ETV7: variants seen among roughly 807,000 people sequenced by gnomAD.
ETV7 encodes the protein ETS variant transcription factor 7, also known as transcription factor ETV7.
In ETV7, 43 loss-of-function variants were observed where a neutral mutation model predicts 39.1. The ratio of observed to expected loss-of-function variants is 1.10; its 90% CI spans 0.86 to 1.42. The LOEUF (loss-of-function observed/expected upper bound fraction) is 1.42, where lower values mean the gene tolerates loss of function less well. ETV7 is among the 40% of genes most tolerant of loss of function. ETV7 has a pLI of 0.00. For missense variants in ETV7, 432 were observed against 442.3 expected, an observed-to-expected ratio of 0.98 and a Z score of 0.21; for synonymous variants, 196 against 176.6, an observed-to-expected ratio of 1.11 and a Z score of -0.87.
At chr6:36,363,338 T>C, downstream of ETV7, among the ~76,000 whole-genome samples, 1 of 152,274 alleles carries the variant, frequency 6.6e-6, no homozygotes, top group South Asian at 2.1e-4. Flanking sequence ...CGGTGAGTGT[T>C]ACAGCCCTTA....
intron 2 of ETV7, among the ~76,000 whole-genome samples, chr6:36,379,617 C>T (rs576123625): frequency 1.3e-5 from 2 of 150,850 alleles, no homozygotes; most frequent in African/African-American, 2.4e-5. Flanking sequence ...GTGGCTCATG[C>T]CTGTAATCCC....
chr6:36,387,659 C>G lies in ETV7; in HGVS notation c.-118G>C. ...CCTCCGCCAAACCCCTAACCTGGCT[C>G]CGAGAACTGGAAGGTCGCGTGGGAG... is the stretch of plus-strand genomic sequence containing the variant. On this transcript the variant is annotated 5_prime_UTR_variant, in exon 1 of 8. Coordinates refer to ENST00000340181, the MANE Select transcript of ETV7 (RefSeq NM_016135.4). The G allele has an allele frequency of 8.6e-7, 1 of 1,168,154 alleles. No individual in the cohort carries two copies. The highest frequency in any genetic ancestry group is 1.2e-6 in the Non-Finnish European group (1 of 803,776). The allele number at this position is 1,168,154 out of a possible 1,614,324, so 72.4% of individuals were successfully genotyped here. A position where few individuals can be genotyped will look rare whatever the true frequency, so the allele number is the denominator to read the frequency against.
intron 4 of ETV7, among the ~76,000 whole-genome samples, chr6:36,372,666 A>C (rs924941210): frequency 1.3e-4 from 19 of 146,266 alleles, no homozygotes; most frequent in African/African-American, 4.6e-4. Context: ...ACATCTGAGC[A>C]ATTGGAAGGG....
downstream of ETV7, among the ~76,000 whole-genome samples, chr6:36,365,379 G>A (rs1196856791): frequency 6.6e-6 from 1 of 152,216 alleles, no homozygotes; most frequent in Non-Finnish European, 1.5e-5. Context: ...ACGCCCCACA[G>A]AGCAGGCAAA....
chr6:36,366,025 T>G (rs756721896), downstream of ETV7, among the ~76,000 whole-genome samples: 14 of 151,992 alleles, frequency 9.2e-5, no homozygotes, highest in Non-Finnish European at 1.5e-4. Flanking sequence ...AATACAAAAA[T>G]TAGCCGGGTG....
chr6:36,360,452 T>G (rs898342153), intron 7 of ETV7, among the ~76,000 whole-genome samples: 1 of 152,078 alleles, frequency 6.6e-6, no homozygotes, highest in Non-Finnish European at 1.5e-5. Flanking sequence ...TGGCTTATGG[T>G]GCCCCTCAAT....
chr6:36,374,911 A>G (rs1773233912), intron 3 of ETV7, among the ~76,000 whole-genome samples: 1 of 152,128 alleles, frequency 6.6e-6, no homozygotes, highest in Non-Finnish European at 1.5e-5. Context: ...CTCTACCAAA[A>G]ATACAAAATT....
chr6:36,373,822 G>A (rs574923748), intron 3 of ETV7, among the ~76,000 whole-genome samples: 4 of 152,352 alleles, frequency 2.6e-5, no homozygotes, highest in Non-Finnish European at 2.9e-5. Context: ...ACACGCAGCC[G>A]CCTCCAGGGC....
chr6:36,379,599 C>G (rs1773552688), intron 2 of ETV7, among the ~76,000 whole-genome samples: 1 of 149,848 alleles, frequency 6.7e-6, no homozygotes, highest in Non-Finnish European at 1.5e-5. Flanking sequence ...AGAAGAAGGC[C>G]GGGCGTGGTG....
At chr6:36,384,956 T>G (rs1773821982) in intron 2 of ETV7, among the ~76,000 whole-genome samples, 1 of 152,114 alleles carries the variant, frequency 6.6e-6, no homozygotes, top group South Asian at 2.1e-4. Context: ...TCTTGGCACC[T>G]GGCAAAAATT....
chr6:36,381,481 A>C (rs16888264), intron 2 of ETV7, among the ~76,000 whole-genome samples: 3,109 of 152,338 alleles, frequency 0.02, 115 homozygotes, highest in African/African-American at 0.069. Flanking sequence ...AAACTCAACG[A>C]ATGAATGGCC....
chr6:36,356,759 C>T (rs937367878), intron 7 of ETV7, among the ~76,000 whole-genome samples: 1 of 152,196 alleles, frequency 6.6e-6, no homozygotes, highest in Non-Finnish European at 1.5e-5. Context: ...CTCCCAGAGA[C>T]AAAGTTATTA....
At chr6:36,364,555 G>A (rs1382155298), downstream of ETV7, among the ~76,000 whole-genome samples, 3 of 152,246 alleles carry the variant, frequency 2.0e-5, no homozygotes, top group Non-Finnish European at 2.9e-5. Flanking sequence ...ACGCTCACCC[G>A]AAAGTTCAGC....
downstream of ETV7, among the ~76,000 whole-genome samples, chr6:36,362,763 G>A (rs1434829651): frequency 6.6e-6 from 1 of 152,208 alleles, no homozygotes; most frequent in Non-Finnish European, 1.5e-5. Flanking sequence ...ATTCATGCCT[G>A]CTCTCCTAGT....
At chr6:36,359,791 T>C (rs1036029700) in intron 7 of ETV7, among the ~76,000 whole-genome samples, 2 of 152,230 alleles carry the variant, frequency 1.3e-5, no homozygotes, top group African/African-American at 4.8e-5. Context: ...CTCAACTCCA[T>C]GTGCTAAGCA....
chr6:36,383,359 T>C (rs1269373298), intron 2 of ETV7, among the ~76,000 whole-genome samples: 1 of 152,140 alleles, frequency 6.6e-6, no homozygotes, highest in Non-Finnish European at 1.5e-5. Context: ...GTCCTCAGAG[T>C]GGACTTTCCA....
intron 2 of ETV7, among the ~76,000 whole-genome samples, chr6:36,379,862 C>T (rs1773565918): frequency 6.9e-6 from 1 of 144,976 alleles, no homozygotes; most frequent in Admixed American, 7.0e-5. Context: ...GGTGACTGAG[C>T]AAGACGCCAT....
chr6:36,383,685 G>A (rs960279251), intron 2 of ETV7, among the ~76,000 whole-genome samples: 1 of 152,230 alleles, frequency 6.6e-6, no homozygotes, highest in Admixed American at 6.5e-5. Context: ...TTTGGTGTCA[G>A]CAGTTTGCTT....
chr6:36,366,365 G>C lies in ETV7; in HGVS notation c.*280C>G. 2 of 1,248,752 alleles carry C rather than the reference G, an allele frequency of 1.6e-6. No individual in the cohort carries two copies. Among genetic ancestry groups the C allele is most frequent in the Non-Finnish European group, 2.0e-6 (2 of 989,714 alleles). The allele number at this position is 1,248,752 out of a possible 1,614,324, so 77.4% of individuals were successfully genotyped here. ...TCCATTTACAGGGGTGGGGCTGGGTGCTCTATCGGTGCCTGGCTTCCTCTC... is the reference window on the plus strand; with the variant it reads ...TCCATTTACAGGGGTGGGGCTGGGTCCTCTATCGGTGCCTGGCTTCCTCTC... On this transcript the variant is annotated 3_prime_UTR_variant, in exon 8 of 8. Coordinates refer to ENST00000340181, the MANE Select transcript of ETV7 (RefSeq NM_016135.4).
Sources: gnomAD v4.1 joint callset for allele counts (sites outside exome capture counted in the v4.1 genomes callset) on GRCh38, gnomAD v4.1.1 for gene constraint, MANE v1.5 for transcripts, NCBI Gene and HGNC (gene_info 2026-07-23, HGNC 2026-07-21) for gene names.